Variants in ABCA9 observed in about 807,000 individuals in gnomAD.
The protein encoded by ABCA9 is ATP-binding cassette sub-family A member 9.
Under a neutral mutation model 205.3 loss-of-function variants are expected in ABCA9, and 183 were observed. That is an observed-to-expected ratio of 0.89 (90% CI 0.79 to 1.01). The LOEUF (loss-of-function observed/expected upper bound fraction) is 1.01, where lower values mean the gene tolerates loss of function less well. Among genes scored for constraint, ABCA9 ranks in the 50% least tolerant of loss-of-function variants. ABCA9 has a pLI of 0.00. For synonymous variants in ABCA9, 651 were observed against 683.3 expected (o/e 0.95, Z 0.74); for missense variants, 1,805 against 1,912.4 (o/e 0.94, Z 1.05).
the ABCA9 span, among the ~76,000 whole-genome samples, chr17:69,072,248 C>T: frequency 2.6e-5 from 4 of 152,064 alleles, no homozygotes; most frequent in Admixed American, 2.6e-4. Context: ...ACAGAGAACA[C>T]CACAAAGATA....
the ABCA9 span, among the ~76,000 whole-genome samples, chr17:69,067,844 C>T: frequency 3.3e-5 from 5 of 152,286 alleles, no homozygotes; most frequent in Non-Finnish European, 7.3e-5. Context: ...CTAAACATTG[C>T]TGCCATTGCA....
At chr17:69,065,020 T>C (rs145646522), upstream of ABCA9, among the ~76,000 whole-genome samples, 254 of 152,372 alleles carry the variant, frequency 1.7e-3, 1 homozygote, top group African/African-American at 5.9e-3. Context: ...CATCCAGATA[T>C]GATGATAAAG....
chr17:69,001,476 C>A (rs2069866360), intron 25 of ABCA9, among the ~76,000 whole-genome samples: 1 of 147,630 alleles, frequency 6.8e-6, no homozygotes, highest in African/African-American at 2.5e-5. Context: ...CCCACTTGAT[C>A]ATGGTGGATA....
chr17:68,996,118 T>G, intron 25 of ABCA9, 104 bp from the exon 26 acceptor site: 1 of 1,234,560 alleles, frequency 8.1e-7, no homozygotes, highest in Non-Finnish European at 1.1e-6. Context: ...TTATTTTCAA[T>G]TTCACTCCCC....
chr17:69,035,170 C>T, intron 8 of ABCA9, 76 bp downstream of exon 8: 1 of 1,216,522 alleles, frequency 8.2e-7, no homozygotes, highest in Non-Finnish European at 1.1e-6. Context: ...ATGCTTAGAG[C>T]ATGTTGTGTG....
At chr17:68,995,865 T>G in intron 26 of ABCA9, 30 bp downstream of exon 26, 1 of 1,611,290 alleles carries the variant, frequency 6.2e-7, no homozygotes, top group Non-Finnish European at 8.5e-7. Context: ...ACACATTTCA[T>G]GACCCTCAGA....
chr17:69,054,210 T>TA (rs1376687453), intron 1 of ABCA9, among the ~76,000 whole-genome samples: 1 of 152,016 alleles, frequency 6.6e-6, no homozygotes, highest in Non-Finnish European at 1.5e-5. Context: ...TCAAAAGAAG[T>TA]AAAATGATAT....
rs1379713002 is a variant in ABCA9, at chr17:68,982,235, T to G, written c.4720+327A>C. On this transcript the variant is annotated intron_variant, in intron 37 of 38. Transcript: ENST00000340001. ...CTTGTTCAATTACAGTAGGGTACCT[T>G]GGCCCCAGCACTAATGACGTTTTGA... 2.6e-5 allele frequency among the ~76,000 whole-genome samples: 4 copies of G among 152,160 alleles called. No individual in the cohort carries two copies. In the East Asian group the frequency reaches 7.7e-4, roughly 29 times the overall value.
rs1384258830 is a variant in ABCA9 at position 68,986,161 on chromosome 17, T to C, written c.4208+3A>G. On this transcript the variant is annotated splice_donor_region_variant and intron_variant, in intron 32 of 38. Coordinates refer to ENST00000340001, the MANE Select transcript of ABCA9 (RefSeq NM_080283.4). ...AAGGGGAGTGCCCCCCAGTCCCAGGTACCGTGTGATGGCGATCATTGCGTC... is the reference window on the plus strand; with the variant it reads ...AAGGGGAGTGCCCCCCAGTCCCAGGCACCGTGTGATGGCGATCATTGCGTC... 1.9e-6 allele frequency: 3 copies of C among 1,605,354 alleles called. No individual in the cohort carries two copies. Among genetic ancestry groups the C allele is most frequent in the Middle Eastern group, 1.7e-4 (1 of 6,020 alleles).
intron 6 of ABCA9, among the ~76,000 whole-genome samples, chr17:69,039,102 T>C (rs922793836): frequency 6.6e-5 from 10 of 152,164 alleles, no homozygotes; most frequent in African/African-American, 2.2e-4. Context: ...TGCTCATGGA[T>C]AGGAAGAATC....
chr17:69,015,608 G>T (rs2070560588), intron 22 of ABCA9, among the ~76,000 whole-genome samples: 1 of 151,744 alleles, frequency 6.6e-6, no homozygotes, highest in Admixed American at 6.6e-5. Context: ...ATAATAATGA[G>T]AAATATAATT....
intron 9 of ABCA9, 151 bp from the exon 10 acceptor site, chr17:69,032,427 A>G (rs901740687): frequency 8.8e-6 from 6 of 684,910 alleles, no homozygotes; most frequent in Middle Eastern, 7.5e-4. Flanking sequence ...CTTTTGACAC[A>G]CACAGAACAG....
rs28685601 is a variant in ABCA9 at position 69,059,624 on chromosome 17, T to C, written c.-14+1242A>G. On this transcript the variant is annotated intron_variant, in intron 1 of 38. Transcript: ENST00000340001. ...ATCACACTTCTAACCCCCAGAGCTG[T>C]AAGATGATAACTCTGTTTTGTTCTA... 8.8e-3 allele frequency among the ~76,000 whole-genome samples: 1,330 copies of C among 151,672 alleles called. 28 individuals are homozygous for C. The highest frequency in any genetic ancestry group is 0.031 in the African/African-American group (1,272 of 41,326).
intron 6 of ABCA9, among the ~76,000 whole-genome samples, chr17:69,041,212 A>G (rs1251605441): frequency 6.6e-6 from 1 of 152,182 alleles, no homozygotes; most frequent in African/African-American, 2.4e-5. Context: ...CCCTTTGCAC[A>G]GTACACTTTC....
chr17:69,009,561 G>C (rs1400329087), intron 23 of ABCA9, among the ~76,000 whole-genome samples: 1 of 152,166 alleles, frequency 6.6e-6, no homozygotes, highest in Admixed American at 6.5e-5. Context: ...TTTCAATCCT[G>C]CTCCTTGGTA....
chr17:69,043,473 G>A lies in ABCA9; in HGVS notation c.800+16C>T, dbSNP rs1203573400. ...TTTGTTTATGCTGTATAATGGATTGGAGTCATATGATTTACCAGAATGCTG... is the reference window on the plus strand; with the variant it reads ...TTTGTTTATGCTGTATAATGGATTGAAGTCATATGATTTACCAGAATGCTG... On this transcript the variant is annotated intron_variant, in intron 6 of 38. Coordinates refer to ENST00000340001, the MANE Select transcript of ABCA9 (RefSeq NM_080283.4). 2 of 1,540,434 alleles carry A rather than the reference G, an allele frequency of 1.3e-6. No homozygotes were observed. Among genetic ancestry groups the A allele is most frequent in the Non-Finnish European group, 1.8e-6 (2 of 1,134,580 alleles).
intron 1 of ABCA9, among the ~76,000 whole-genome samples, chr17:69,052,099 G>C (rs1208706649): frequency 3.3e-5 from 5 of 152,188 alleles, no homozygotes; most frequent in Non-Finnish European, 7.3e-5. Context: ...GGCTGCATAA[G>C]GTGGCTCATG....
At chr17:69,017,401 T>C (rs577574142) in intron 21 of ABCA9, among the ~76,000 whole-genome samples, 1 of 152,262 alleles carries the variant, frequency 6.6e-6, no homozygotes, top group South Asian at 2.1e-4. Flanking sequence ...TGGAATCCAA[T>C]TGATAATAAC....
Position 69,028,650 on chromosome 17 carries a change from C to A in ABCA9, c.1505-5G>T. 1 of 1,535,034 alleles carries A rather than the reference C, an allele frequency of 6.5e-7. No homozygotes were observed. Among genetic ancestry groups the A allele is most frequent in the Non-Finnish European group, 8.8e-7 (1 of 1,137,308 alleles). ...CATATATGTCAAACACCACACCTGG[C>A]ATGATTTTAAAAAAAATTACACTCA... On this transcript the variant is annotated splice_polypyrimidine_tract_variant and splice_region_variant and intron_variant, in intron 11 of 38. Coordinates refer to ENST00000340001, the MANE Select transcript of ABCA9 (RefSeq NM_080283.4).
Sources: gnomAD v4.1 joint callset for allele counts (sites outside exome capture counted in the v4.1 genomes callset) on GRCh38, gnomAD v4.1.1 for gene constraint, MANE v1.5 for transcripts, NCBI Gene and HGNC (gene_info 2026-07-23, HGNC 2026-07-21) for gene names.